The following ATG5 variants were observed in gnomAD, a reference collection of about 807,000 sequenced individuals.
The protein encoded by ATG5 is autophagy protein 5.
Under a neutral mutation model 36.5 loss-of-function variants are expected in ATG5, and 14 were observed. The observed-to-expected ratio is 0.38, with a 90% confidence interval of 0.25 to 0.60. The LOEUF is 0.60. Among genes scored for constraint, ATG5 ranks in the 20% least tolerant of loss-of-function variants. ATG5 has a pLI of 0.60. For synonymous variants in ATG5, 95 were observed against 101.5 expected (o/e 0.94, Z 0.38); for missense variants, 195 against 326.7 (o/e 0.60, Z 3.11).
chr6:106,196,133 A>G (rs1162439550), intron 7 of ATG5, among the ~76,000 whole-genome samples: 4 of 152,220 alleles, frequency 2.6e-5, no homozygotes, highest in Admixed American at 2.6e-4. Context: ...ACACTAAAAT[A>G]ACAAAACAAA....
intron 6 of ATG5, among the ~76,000 whole-genome samples, chr6:106,209,467 T>G (rs1445411674): frequency 6.6e-6 from 1 of 152,164 alleles, no homozygotes; most frequent in African/African-American, 2.4e-5. Context: ...GATATAACAT[T>G]AGTGAAATGA....
Position 106,186,384 on chromosome 6 carries a change from T to C in ATG5, c.*156A>G. ...TGATGCAAAGTAAGACCAGCCCAGT[T>C]GCCTTATCTGACATGGAATCTTTTT... On this transcript the variant is annotated 3_prime_UTR_variant, in exon 8 of 8. Coordinates refer to ENST00000369076, the MANE Select transcript of ATG5 (RefSeq NM_004849.4). 1.2e-6 allele frequency: 1 copy of C among 800,320 alleles called. No individual in the cohort carries two copies. Among genetic ancestry groups the C allele is most frequent in the Non-Finnish European group, 2.0e-6 (1 of 511,932 alleles). 49.6% of individuals were successfully genotyped at this position (800,320 alleles called of 1,614,324 possible).
chr6:106,279,958 CT>C, intron 4 of ATG5, 135 bp from the exon 5 acceptor site: 1 of 519,724 alleles, frequency 1.9e-6, no homozygotes, highest in Non-Finnish European at 3.0e-6. Context: ...ACCCAAAATA[CT>C]TTAAAATTTA....
intron 1 of ATG5, among the ~76,000 whole-genome samples, chr6:106,323,127 C>T (rs549109567): frequency 4.6e-5 from 7 of 151,928 alleles, no homozygotes; most frequent in East Asian, 1.9e-4. Context: ...TTAGTAGAGA[C>T]GGGGTTTCAC....
chr6:106,270,322 A>C (rs1582636011), intron 5 of ATG5, among the ~76,000 whole-genome samples: 1 of 152,342 alleles, frequency 6.6e-6, no homozygotes, highest in East Asian at 1.9e-4. Flanking sequence ...AGCAGGTTAC[A>C]AATTTGCTTT....
At chr6:106,258,279 A>G (rs1355684278) in intron 5 of ATG5, among the ~76,000 whole-genome samples, 2 of 151,990 alleles carry the variant, frequency 1.3e-5, no homozygotes. Context: ...TGATATGGGA[A>G]GACTGATTGC....
chr6:106,223,599 T>C (rs549050296), intron 6 of ATG5, among the ~76,000 whole-genome samples: 1 of 152,312 alleles, frequency 6.6e-6, no homozygotes, highest in Non-Finnish European at 1.5e-5. Context: ...ACAATATTAA[T>C]GCTAAAGCAG....
intron 3 of ATG5, among the ~76,000 whole-genome samples, 185 bp downstream of exon 3, chr6:106,308,179 T>A (rs182847425): frequency 6.6e-6 from 1 of 152,300 alleles, no homozygotes; most frequent in East Asian, 1.9e-4. Flanking sequence ...CATCCATGCA[T>A]CCAAACAGAA....
intron 7 of ATG5, among the ~76,000 whole-genome samples, chr6:106,191,234 A>G (rs1775956024): frequency 1.3e-5 from 2 of 152,318 alleles, no homozygotes; most frequent in Admixed American, 1.3e-4. Flanking sequence ...TCTTATGATC[A>G]TACCAGTGTA....
intron 3 of ATG5, among the ~76,000 whole-genome samples, chr6:106,299,054 C>T (rs1770099571): frequency 6.6e-6 from 1 of 152,136 alleles, no homozygotes; most frequent in Non-Finnish European, 1.5e-5. Flanking sequence ...TATTATGTTG[C>T]TACTTCTACC....
At chr6:106,201,594 T>G (rs1582541573) in intron 7 of ATG5, among the ~76,000 whole-genome samples, 1 of 152,232 alleles carries the variant, frequency 6.6e-6, no homozygotes, top group East Asian at 1.9e-4. Context: ...TTTTTCAGTA[T>G]TATCAACTTT....
chr6:106,299,938 T>G (rs555753029), intron 3 of ATG5, among the ~76,000 whole-genome samples: 1 of 152,222 alleles, frequency 6.6e-6, no homozygotes, highest in African/African-American at 2.4e-5. Context: ...ACTGCAAGCA[T>G]GTAACTACAA....
chr6:106,208,452 A>G (rs1328156628), intron 6 of ATG5, among the ~76,000 whole-genome samples: 1 of 152,056 alleles, frequency 6.6e-6, no homozygotes, highest in Non-Finnish European at 1.5e-5. Context: ...TCAAGGTTTT[A>G]TTTCCTTTTA....
In ATG5 at chr6:106,246,388, TCTCTCA is replaced by T. The variant is rs1443262376; in HGVS notation, c.573+1756_573+1761del. On this transcript the variant is annotated intron_variant, in intron 6 of 7. Transcript: ENST00000369076. The stretch of plus-strand genomic sequence containing the variant: ...CTGTCTCTGTCTCTCTCTCTCTCTC[TCTCTCA>T]CACACACACACACACACACACACAC... Among the ~76,000 whole-genome samples, 107 of 95,550 alleles carry T rather than the reference TCTCTCA, an allele frequency of 1.1e-3. No homozygotes were observed. In the South Asian group the frequency reaches 0.012, roughly 11 times the overall value. 62.7% of individuals were successfully genotyped at this position (95,550 alleles called of 152,430 possible).
intron 3 of ATG5, among the ~76,000 whole-genome samples, chr6:106,296,863 T>C (rs973773139): frequency 1.3e-5 from 2 of 152,206 alleles, no homozygotes; most frequent in Admixed American, 6.5e-5. Flanking sequence ...AATCAGTTTT[T>C]AGCTATCATT....
intron 6 of ATG5, among the ~76,000 whole-genome samples, chr6:106,240,668 T>A (rs1351120765): frequency 3.3e-5 from 5 of 149,602 alleles, no homozygotes; most frequent in Non-Finnish European, 7.4e-5. Context: ...AAGCTGGCAA[T>A]TTTTTTTTTA....
At chr6:106,195,474 T>C (rs1241269796) in intron 7 of ATG5, among the ~76,000 whole-genome samples, 1 of 152,190 alleles carries the variant, frequency 6.6e-6, no homozygotes, top group Non-Finnish European at 1.5e-5. Flanking sequence ...ATGTTTTGGA[T>C]ACTCTACATA....
Position 106,217,754 on chromosome 6 carries a change from T to G in ATG5, c.574-15665A>C, listed in dbSNP as rs1777096224. 2.6e-5 allele frequency among the ~76,000 whole-genome samples: 4 copies of G among 152,342 alleles called. 1 individual carries two copies. The South Asian group carries it at 8.3e-4, about 32-fold the overall frequency. On this transcript the variant is annotated intron_variant, in intron 6 of 7. Transcript: ENST00000369076. ...TACTTATATGGCTTGTCCTAGGAAC[T>G]TAACTATTATTTACAATGTAAGTAC...
intron 5 of ATG5, among the ~76,000 whole-genome samples, chr6:106,275,662 A>G (rs567449561): frequency 1.6e-4 from 25 of 152,356 alleles, no homozygotes; most frequent in Admixed American, 1.2e-3. Flanking sequence ...GCAGAAATAG[A>G]AAAAAAGTAA....
Sources: allele counts gnomAD v4.1 joint callset (sites outside exome capture counted in the v4.1 genomes callset), GRCh38; gene constraint gnomAD v4.1.1; transcripts MANE v1.5; gene names NCBI Gene and HGNC (gene_info 2026-07-23, HGNC 2026-07-21).